The following LRRC7 variants were observed in gnomAD, a reference collection of about 807,000 sequenced individuals.
LRRC7 encodes the protein leucine rich repeat containing 7.
Under a neutral mutation model 175.7 loss-of-function variants are expected in LRRC7, and 23 were observed. That is an observed-to-expected ratio of 0.13 (90% CI 0.09 to 0.19). The LOEUF (loss-of-function observed/expected upper bound fraction) is 0.19. LRRC7 is among the 10% of genes least tolerant of loss of function. The pLI, the probability that LRRC7 is intolerant of heterozygous loss-of-function variation, is 1.00. For synonymous variants in LRRC7, 685 were observed against 680.9 expected (o/e 1.01, Z -0.09); for missense variants, 1,354 against 1,904.7 (o/e 0.71, Z 5.38).
At chr1:70,063,338 T>A (rs1448918248) in intron 23 of LRRC7, among the ~76,000 whole-genome samples, 1 of 152,100 alleles carries the variant, frequency 6.6e-6, no homozygotes, top group Non-Finnish European at 1.5e-5. Context: ...TTATATTGTC[T>A]TTGTTTGGGG....
intron 26 of LRRC7, among the ~76,000 whole-genome samples, chr1:70,117,438 T>C (rs17131218): frequency 0.13 from 19,364 of 152,188 alleles, 1,701 homozygotes; most frequent in African/African-American, 0.24. Flanking sequence ...TTATGATAGA[T>C]TGATGAGCTG....
At chr1:69,878,885 ATATT>A (rs1182176104) in intron 7 of LRRC7, among the ~76,000 whole-genome samples, 1 of 148,270 alleles carries the variant, frequency 6.7e-6, no homozygotes, top group South Asian at 2.1e-4. Flanking sequence ...ATATAAATAT[ATATT>A]ATAAAATGTA....
chr1:69,946,544 A>G (rs1171401043), intron 8 of LRRC7, among the ~76,000 whole-genome samples: 3 of 151,844 alleles, frequency 2.0e-5, no homozygotes, highest in Non-Finnish European at 4.4e-5. Context: ...TCCTCCATCA[A>G]TTCTGTCAAC....
At chr1:69,844,192 T>A (rs1463642658) in intron 7 of LRRC7, among the ~76,000 whole-genome samples, 1 of 152,174 alleles carries the variant, frequency 6.6e-6, no homozygotes, top group Admixed American at 6.6e-5. Context: ...TTAATTTTTT[T>A]TATCGTGGTA....
At chr1:69,717,853 G>GGAAAGAAAGAAAGAAAGGAAAGAAA (rs1553145880) in intron 2 of LRRC7, among the ~76,000 whole-genome samples, 15 of 15,632 alleles carry the variant, frequency 9.6e-4, no homozygotes, top group African/African-American at 6.1e-3. Flanking sequence ...AAGAAAGAAA[G>GGAAAGAAAGAAAGAAAGGAAAGAAA]GAAAGAAAGA....
intron 1 of LRRC7, among the ~76,000 whole-genome samples, chr1:69,570,623 G>T (rs1645703268): frequency 6.6e-6 from 1 of 152,026 alleles, no homozygotes; most frequent in African/African-American, 2.4e-5. Flanking sequence ...TCCTTGAATT[G>T]GCTTCCAGGA....
rs577390977 is a variant in LRRC7 at position 70,131,928 on chromosome 1, T to C, written c.*10041T>C. Among the ~76,000 whole-genome samples, 68 of 152,326 alleles carry C rather than the reference T, an allele frequency of 4.5e-4. No homozygotes were observed. The highest frequency in any genetic ancestry group is 3.3e-4 in the Admixed American group (5 of 15,296). ...TAAGAGTACTTTAATGAAATATTTT[T>C]AAGTAAGAGCATTTTAGAATAATGA... is the stretch of plus-strand genomic sequence containing the variant. On this transcript the variant is annotated 3_prime_UTR_variant, in exon 27 of 27. Coordinates refer to ENST00000651989, the MANE Select transcript of LRRC7 (RefSeq NM_001370785.2).
chr1:70,078,070 A>G (rs1404684304), intron 24 of LRRC7, among the ~76,000 whole-genome samples: 5 of 152,194 alleles, frequency 3.3e-5, no homozygotes, highest in Admixed American at 2.6e-4. Flanking sequence ...GCTAGAAGTG[A>G]GGACTTGGAA....
At chr1:69,876,193 A>AT (rs1336372539) in intron 7 of LRRC7, among the ~76,000 whole-genome samples, 1 of 152,016 alleles carries the variant, frequency 6.6e-6, no homozygotes, top group East Asian at 1.9e-4. Flanking sequence ...TACCAGCCAT[A>AT]TTTTTTGTCC....
chr1:69,616,400 A>C (rs1445432700), intron 1 of LRRC7, among the ~76,000 whole-genome samples: 1 of 152,032 alleles, frequency 6.6e-6, no homozygotes, highest in African/African-American at 2.4e-5. Flanking sequence ...TACCCTCATA[A>C]TAAAAATTTT....
chr1:70,009,158 A>G (rs2101945632), intron 11 of LRRC7, among the ~76,000 whole-genome samples: 2 of 152,248 alleles, frequency 1.3e-5, no homozygotes, highest in East Asian at 3.9e-4. Context: ...TTCATTAAAT[A>G]CCTTCTTTAA....
chr1:69,588,480 A>G (rs1646491610), intron 1 of LRRC7, among the ~76,000 whole-genome samples: 1 of 152,164 alleles, frequency 6.6e-6, no homozygotes, highest in Admixed American at 6.6e-5. Flanking sequence ...TTAAGCATGT[A>G]GTTTTGTAAA....
rs1310551619 is a variant in LRRC7 at position 69,760,246 on chromosome 1, C to T, written c.156C>T (p.Cys52=). The stretch of plus-strand genomic sequence containing the variant: ...AAATCATCGGCCGTCTGGTGCCATG[C>T]CGATGTTTCCGAGGTGAAGAAGAAA... ...KRKIIGRLVP[C]RCFRGEEEII... Residue 52 remains cysteine, a synonymous_variant, in exon 3 of 27, where the codon TGC becomes TGT. Coordinates refer to ENST00000651989, the MANE Select transcript of LRRC7 (RefSeq NM_001370785.2). 3.7e-6 allele frequency: 6 copies of T among 1,612,746 alleles called. No homozygotes were observed. The highest frequency in any genetic ancestry group is 3.4e-6 in the Non-Finnish European group (4 of 1,179,262).
chr1:70,037,148 A>G (rs1339411472), intron 20 of LRRC7, among the ~76,000 whole-genome samples: 1 of 152,204 alleles, frequency 6.6e-6, no homozygotes, highest in Non-Finnish European at 1.5e-5. Context: ...AAAACCACAC[A>G]CAGAGCACAA....
At chr1:69,627,392 A>G (rs967083488) in intron 1 of LRRC7, among the ~76,000 whole-genome samples, 10 of 152,168 alleles carry the variant, frequency 6.6e-5, no homozygotes, top group African/African-American at 2.4e-4. Context: ...GTGTCTGTTC[A>G]TATCCTTCGC....
Position 69,667,577 on chromosome 1 carries a change from A to G in LRRC7, c.3-10804A>G, listed in dbSNP as rs148277740. On this transcript the variant is annotated intron_variant, in intron 1 of 26. Transcript: ENST00000651989. ...TATAGTGACTTTTGTCTATTCTTAT[A>G]CTATTCATCCTGAAATATATTTTGT... Among the ~76,000 whole-genome samples the G allele has an allele frequency of 9.3e-3, 1,418 of 152,262 alleles. 22 individuals are homozygous for G. The highest frequency in any genetic ancestry group is 0.033 in the African/African-American group (1,361 of 41,554).
At chr1:69,863,964 T>C (rs1684634356) in intron 7 of LRRC7, among the ~76,000 whole-genome samples, 1 of 152,176 alleles carries the variant, frequency 6.6e-6, no homozygotes, top group South Asian at 2.1e-4. Context: ...TGCTGTATGC[T>C]TCAATCACCC....
In LRRC7 at chr1:70,045,589, A is replaced by C. The variant is rs544175709; in HGVS notation, c.4110+1495A>C. ...TTAACTGCATTAAGGAATAGATGAG[A>C]TATCACAACTTTAAATAGGCACCTT... On this transcript the variant is annotated intron_variant, in intron 22 of 26. Coordinates refer to ENST00000651989, the MANE Select transcript of LRRC7 (RefSeq NM_001370785.2). Among the ~76,000 whole-genome samples, 5 of 152,346 alleles carry C rather than the reference A, an allele frequency of 3.3e-5. No homozygotes were observed. In the South Asian group the frequency reaches 1.0e-3, roughly 32 times the overall value.
At chr1:69,663,037 T>A (rs1657710633) in intron 1 of LRRC7, among the ~76,000 whole-genome samples, 1 of 152,202 alleles carries the variant, frequency 6.6e-6, no homozygotes, top group Admixed American at 6.5e-5. Context: ...CTGTTCTTTT[T>A]TTTCCCTGGG....
Sources: allele counts gnomAD v4.1 joint callset (sites outside exome capture counted in the v4.1 genomes callset), GRCh38; gene constraint gnomAD v4.1.1; transcripts MANE v1.5; gene names NCBI Gene and HGNC (gene_info 2026-07-23, HGNC 2026-07-21).